ZNF385D: variants seen among roughly 807,000 people sequenced by gnomAD.
ZNF385D encodes the protein zinc finger protein 385D.
Under a neutral mutation model 35.8 loss-of-function variants are expected in ZNF385D, and 15 were observed. The ratio of observed to expected loss-of-function variants is 0.42; its 90% confidence interval spans 0.28 to 0.64. The LOEUF (loss-of-function observed/expected upper bound fraction) is 0.64, where lower values mean the gene tolerates loss of function less well. ZNF385D is among the 30% of genes least tolerant of loss of function. The probability of loss-of-function intolerance (pLI) is 0.23; values close to 1 mark genes in which losing one functional copy is unlikely to be tolerated. For missense variants in ZNF385D, 474 were observed against 494.6 expected, an observed-to-expected ratio of 0.96 and a Z score of 0.39; for synonymous variants, 212 against 186.8, an observed-to-expected ratio of 1.13 and a Z score of -1.10.
chr3:21,456,380 T>C (rs907210384), intron 4 of ZNF385D, among the ~76,000 whole-genome samples: 6 of 152,154 alleles, frequency 3.9e-5, no homozygotes, highest in Non-Finnish European at 5.9e-5. Flanking sequence ...ACGTGGCACA[T>C]ATACACCATG....
At chr3:22,115,485 A>AT (rs1702759330) in intron 3 of ZNF385D, among the ~76,000 whole-genome samples, 1 of 152,008 alleles carries the variant, frequency 6.6e-6, no homozygotes, top group African/African-American at 2.4e-5. Context: ...CTCACCTTTA[A>AT]TTTTATAGAG....
At position 21,871,333 on chromosome 3, in the gene ZNF385D, ACTC is replaced by A. The variant is rs58272564; in HGVS notation, c.326-206308_326-206306del. 2.7e-3 allele frequency among the ~76,000 whole-genome samples: 410 copies of A among 152,182 alleles called. 2 individuals are homozygous for A. The highest frequency in any genetic ancestry group is 9.5e-3 in the African/African-American group (395 of 41,528). On this transcript the variant is annotated intron_variant, in intron 3 of 5. Transcript: ENST00000494108. ...TCATCACACAGCAATCCATGCAGAC[ACTC>A]CTATCATTTAGACCTTGCTTAATTC...
intron 3 of ZNF385D, among the ~76,000 whole-genome samples, chr3:21,817,651 A>T (rs150492523): frequency 6.6e-6 from 1 of 151,896 alleles, no homozygotes; most frequent in Non-Finnish European, 1.5e-5. Context: ...GTTAGAATGG[A>T]GATCATTAAA....
At chr3:21,527,629 T>C (rs1348225365) in intron 3 of ZNF385D, among the ~76,000 whole-genome samples, 1 of 152,192 alleles carries the variant, frequency 6.6e-6, no homozygotes, top group East Asian at 1.9e-4. Flanking sequence ...CAGATTAGTA[T>C]TTTAAGATTG....
chr3:21,970,607 T>TAG (rs373534656), intron 3 of ZNF385D, among the ~76,000 whole-genome samples: 17,192 of 148,076 alleles, frequency 0.12, 1,210 homozygotes, highest in Non-Finnish European at 0.16. Flanking sequence ...CCTTAAAGAG[T>TAG]AGAGAGAGAG....
At chr3:21,965,472 G>GA (rs966564856) in intron 3 of ZNF385D, among the ~76,000 whole-genome samples, 1 of 149,486 alleles carries the variant, frequency 6.7e-6, no homozygotes, top group South Asian at 2.1e-4. Context: ...TCTAATATCA[G>GA]AAAAAAAACT....
chr3:21,722,770 C>A (rs541967982), intron 1 of ZNF385D, among the ~76,000 whole-genome samples: 2 of 152,306 alleles, frequency 1.3e-5, no homozygotes, highest in Non-Finnish European at 2.9e-5. Context: ...CTGCTGGCAC[C>A]AAACAAAGGT....
intron 3 of ZNF385D, among the ~76,000 whole-genome samples, chr3:21,841,909 C>T (rs890347015): frequency 5.9e-5 from 9 of 151,356 alleles, no homozygotes; most frequent in Admixed American, 1.3e-4. Flanking sequence ...GAAATACATA[C>T]ATATATGTAT....
rs1031882530 is a variant in ZNF385D, at chr3:21,993,279, A to T, written c.325+175538T>A. On this transcript the variant is annotated intron_variant, in intron 3 of 5. Transcript: ENST00000494108. ...TTACAAAACTCCAAGCCCAAGTTTA[A>T]TTGTAACACTATTTGGGATGTTTCC... is the stretch of plus-strand genomic sequence containing the variant. Among the ~76,000 whole-genome samples the T allele has an allele frequency of 9.9e-5, 15 of 152,178 alleles. 1 individual carries two copies. Among genetic ancestry groups the T allele is most frequent in the Non-Finnish European group, 1.8e-4 (12 of 68,016 alleles).
chr3:21,593,441 C>G (rs116035855), intron 2 of ZNF385D, among the ~76,000 whole-genome samples: 3,967 of 152,254 alleles, frequency 0.026, 88 homozygotes, highest in Middle Eastern at 0.051. Context: ...GGCTCTTACT[C>G]TATCCTTTGT....
At chr3:22,056,540 A>T (rs912081554) in intron 3 of ZNF385D, among the ~76,000 whole-genome samples, 11 of 152,176 alleles carry the variant, frequency 7.2e-5, no homozygotes, top group African/African-American at 2.7e-4. Context: ...AAGCCATTCC[A>T]ATTAAACAGA....
chr3:22,071,564 C>T (rs1027114633), intron 3 of ZNF385D, among the ~76,000 whole-genome samples: 1 of 152,154 alleles, frequency 6.6e-6, no homozygotes, highest in African/African-American at 2.4e-5. Context: ...TGCATTCCTC[C>T]ATACATGCTC....
At chr3:22,259,537 C>T (rs1411956351) in intron 2 of ZNF385D, among the ~76,000 whole-genome samples, 2 of 151,966 alleles carry the variant, frequency 1.3e-5, no homozygotes, top group Non-Finnish European at 2.9e-5. Flanking sequence ...AGACAGCTGT[C>T]ATATACTTCT....
intron 2 of ZNF385D, among the ~76,000 whole-genome samples, chr3:22,207,995 A>C (rs1476555473): frequency 6.6e-6 from 1 of 151,938 alleles, no homozygotes; most frequent in Non-Finnish European, 1.5e-5. Context: ...GTAAATTAGT[A>C]TAGCCAATAT....
At chr3:22,133,318 C>T (rs1168889705) in intron 3 of ZNF385D, among the ~76,000 whole-genome samples, 1 of 151,960 alleles carries the variant, frequency 6.6e-6, no homozygotes, top group Non-Finnish European at 1.5e-5. Context: ...AAAGCAGTCT[C>T]CTCAGATTAT....
intron 3 of ZNF385D, among the ~76,000 whole-genome samples, chr3:22,058,161 A>G (rs185401844): frequency 1.4e-4 from 22 of 151,858 alleles, no homozygotes; most frequent in African/African-American, 4.6e-4. Flanking sequence ...TTGGTAACTC[A>G]TAAGTTGATA....
chr3:21,938,028 C>T (rs747845258), intron 3 of ZNF385D, among the ~76,000 whole-genome samples: 19 of 152,292 alleles, frequency 1.2e-4, no homozygotes, highest in South Asian at 2.1e-4. Context: ...GAAATCTCTA[C>T]GTAACAAAGG....
At chr3:22,123,468 A>G (rs1020568398) in intron 3 of ZNF385D, among the ~76,000 whole-genome samples, 5 of 152,320 alleles carry the variant, frequency 3.3e-5, no homozygotes, top group Admixed American at 3.3e-4. Context: ...TAAATGGGGT[A>G]TGCATTACCT....
intron 2 of ZNF385D, among the ~76,000 whole-genome samples, chr3:22,202,572 C>T (rs563803461): frequency 2.6e-5 from 4 of 152,212 alleles, no homozygotes; most frequent in Non-Finnish European, 5.9e-5. Flanking sequence ...CCAAAAAGCA[C>T]CTTCATGAGA....
Sources: allele counts gnomAD v4.1 joint callset (sites outside exome capture counted in the v4.1 genomes callset), GRCh38; gene constraint gnomAD v4.1.1; transcripts MANE v1.5; gene names NCBI Gene and HGNC (gene_info 2026-07-23, HGNC 2026-07-21).